The following LHPP variants were observed in gnomAD, a reference collection of about 807,000 sequenced individuals.
The protein encoded by LHPP is hLHPP.
A neutral mutation model predicts 30.3 loss-of-function variants in LHPP; 24 were observed. The observed-to-expected ratio is 0.79, with a 90% CI of 0.57 to 1.11. LHPP has a LOEUF of 1.11. LHPP is among the 50% of genes most tolerant of loss of function. LHPP has a pLI of 0.00. For synonymous variants in LHPP, 150 were observed against 157.1 expected, an observed-to-expected ratio of 0.95 and a Z score of 0.34; for missense variants, 356 against 367.2, an observed-to-expected ratio of 0.97 and a Z score of 0.25.
chr10:124,488,172 G>A (rs577319075), intron 2 of LHPP, among the ~76,000 whole-genome samples: 1 of 152,286 alleles, frequency 6.6e-6, no homozygotes, highest in Non-Finnish European at 1.5e-5. Flanking sequence ...GGCTGATGTG[G>A]TATTGGGATG....
chr10:124,476,818 C>T (rs1952963241), intron 1 of LHPP, among the ~76,000 whole-genome samples: 1 of 152,212 alleles, frequency 6.6e-6, no homozygotes, highest in South Asian at 2.1e-4. Flanking sequence ...ATTCTCCAAA[C>T]ATGCGTGTTC....
At chr10:124,472,257 G>A (rs1952801628) in intron 1 of LHPP, among the ~76,000 whole-genome samples, 1 of 152,172 alleles carries the variant, frequency 6.6e-6, no homozygotes, top group Non-Finnish European at 1.5e-5. Context: ...AGGCTGGGGT[G>A]AGCCAAGATT....
intron 6 of LHPP, among the ~76,000 whole-genome samples, chr10:124,553,449 C>CTTTTTTTTT (rs35840555): frequency 1.6e-5 from 1 of 61,634 alleles, no homozygotes; most frequent in Non-Finnish European, 2.7e-5. Context: ...TACAGCCATT[C>CTTTTTTTTT]TTTTTTTTTT....
chr10:124,570,709 G>A lies in LHPP; in HGVS notation c.717-42555G>A, dbSNP rs546518568. Among the ~76,000 whole-genome samples, 13 of 152,258 alleles carry A rather than the reference G, an allele frequency of 8.5e-5. No homozygotes were observed. In the South Asian group the frequency reaches 2.5e-3, roughly 29 times the overall value. ...CCGCTCTGGGCATTTCATGTAAATGGAATCAGACGATACATGGTCTTTTGT... is the reference window on the plus strand; with the variant it reads ...CCGCTCTGGGCATTTCATGTAAATGAAATCAGACGATACATGGTCTTTTGT... On this transcript the variant is annotated intron_variant, in intron 6 of 6. Transcript: ENST00000368842.
intron 1 of LHPP, among the ~76,000 whole-genome samples, chr10:124,481,592 G>A (rs1189990223): frequency 6.6e-6 from 1 of 151,638 alleles, no homozygotes; most frequent in Non-Finnish European, 1.5e-5. Context: ...TGTTGACCAG[G>A]CTGATCTCAA....
chr10:124,600,696 C>G (rs1949009695), intron 6 of LHPP, among the ~76,000 whole-genome samples: 1 of 152,180 alleles, frequency 6.6e-6, no homozygotes, highest in African/African-American at 2.4e-5. Context: ...GGCCCTGAGC[C>G]CCAGGGGCCT....
rs539952179 is a variant in LHPP at position 124,566,391 on chromosome 10, C to G, written c.717-46873C>G. On this transcript the variant is annotated intron_variant, in intron 6 of 6. Coordinates refer to ENST00000368842, the MANE Select transcript of LHPP (RefSeq NM_022126.4). Reference sequence around the variant, plus strand: ...CTGCAGGTGCCAGCCACTCCTGCAGCTTCTGCCCAGCCTCCTCTGGTGTCC... The same window carrying G: ...CTGCAGGTGCCAGCCACTCCTGCAGGTTCTGCCCAGCCTCCTCTGGTGTCC... Among the ~76,000 whole-genome samples the G allele has an allele frequency of 3.9e-5, 6 of 152,356 alleles. No individual in the cohort carries two copies. The South Asian group carries it at 1.2e-3, about 32-fold the overall frequency.
chr10:124,478,247 G>C lies in LHPP; in HGVS notation c.126-5892G>C, dbSNP rs1347871137. ...ATGGCTGTGGGGCCTCCAGGAGGAA[G>C]AGGTGTATGAACCCTGCTTTGTAGG... is the stretch of plus-strand genomic sequence containing the variant. On this transcript the variant is annotated intron_variant, in intron 1 of 6. Transcript: ENST00000368842. The surrounding 1 kb of genome is among the most constrained non-coding windows in gnomAD (Gnocchi z 4.7). Among the ~76,000 whole-genome samples, 1 of 152,224 alleles carries C rather than the reference G, an allele frequency of 6.6e-6. No individual in the cohort carries two copies. The highest frequency in any genetic ancestry group is 1.5e-5 in the Non-Finnish European group (1 of 68,022).
intron 6 of LHPP, among the ~76,000 whole-genome samples, chr10:124,585,632 AAG>A (rs1491119618): frequency 6.6e-6 from 1 of 151,896 alleles, no homozygotes; most frequent in Non-Finnish European, 1.5e-5. Context: ...AAAAAAGAAA[AAG>A]AAAAAAAAGA....
rs1004043900 is a variant in LHPP, at chr10:124,478,233, G to A, written c.126-5906G>A. 6.6e-6 allele frequency among the ~76,000 whole-genome samples: 1 copy of A among 152,206 alleles called. No individual in the cohort carries two copies. Among genetic ancestry groups the A allele is most frequent in the African/African-American group, 2.4e-5 (1 of 41,460 alleles). The stretch of plus-strand genomic sequence containing the variant: ...ATCTGGCTGGGTGCATGGCTGTGGG[G>A]CCTCCAGGAGGAAGAGGTGTATGAA... On this transcript the variant is annotated intron_variant, in intron 1 of 6. Coordinates refer to ENST00000368842, the MANE Select transcript of LHPP (RefSeq NM_022126.4). This position sits in a 1 kb window ranked among gnomAD's most constrained non-coding sequence, Gnocchi z 4.7.
intron 6 of LHPP, among the ~76,000 whole-genome samples, chr10:124,587,747 AAAAAAAAAAAAAAAAAAACC>A (rs1432846104): frequency 1.8e-4 from 27 of 148,582 alleles, no homozygotes; most frequent in African/African-American, 6.5e-4. Context: ...CTAAAAAAAA[AAAAAAAAAAAAAAAAAAACC>A]AAAAAAACCC....
intron 1 of LHPP, among the ~76,000 whole-genome samples, chr10:124,481,133 C>CCTGGAGCT (rs1953113003): frequency 6.6e-6 from 1 of 152,078 alleles, no homozygotes; most frequent in Non-Finnish European, 1.5e-5. Context: ...TCCCTGAACT[C>CCTGGAGCT]CTGGAGCTCG....
At chr10:124,559,878 A>G (rs1948364175) in intron 6 of LHPP, among the ~76,000 whole-genome samples, 1 of 152,268 alleles carries the variant, frequency 6.6e-6, no homozygotes, top group South Asian at 2.1e-4. Context: ...CCGTGGAATC[A>G]GGCACATTTT....
intron 6 of LHPP, among the ~76,000 whole-genome samples, chr10:124,525,890 G>A (rs116199615): frequency 9.8e-4 from 149 of 152,318 alleles, no homozygotes; most frequent in African/African-American, 3.4e-3. Context: ...GCTTGGTGCC[G>A]CCTGTGGGAA....
chr10:124,587,558 G>A (rs187345910), intron 6 of LHPP, among the ~76,000 whole-genome samples: 10 of 151,258 alleles, frequency 6.6e-5, no homozygotes, highest in South Asian at 2.1e-4. Flanking sequence ...TGACTAACAC[G>A]GGGAAACCCC....
chr10:124,471,153 A>G (rs1418337824), intron 1 of LHPP, among the ~76,000 whole-genome samples: 4 of 151,574 alleles, frequency 2.6e-5, no homozygotes, highest in Non-Finnish European at 5.9e-5. Context: ...GTATTCCTCA[A>G]AAGCACAGAG....
rs1157104041 is a variant in LHPP, at chr10:124,576,500, T to C, written c.717-36764T>C. On this transcript the variant is annotated intron_variant, in intron 6 of 6. Coordinates refer to ENST00000368842, the MANE Select transcript of LHPP (RefSeq NM_022126.4). The surrounding 1 kb of genome is among the most constrained non-coding windows in gnomAD (Gnocchi z 4.2). ...TATCTTGCTCCCACTCCCTACCATATGCTGTTCCCAGACCCCCCTCCATGG... is the reference window on the plus strand; with the variant it reads ...TATCTTGCTCCCACTCCCTACCATACGCTGTTCCCAGACCCCCCTCCATGG... Among the ~76,000 whole-genome samples, 3 of 128,362 alleles carry C rather than the reference T, an allele frequency of 2.3e-5. No individual in the cohort carries two copies. Among genetic ancestry groups the C allele is most frequent in the African/African-American group, 9.2e-5 (3 of 32,578 alleles). The allele number at this position is 128,362 out of a possible 152,430, so 84.2% of individuals were successfully genotyped here.
rs1004257238 is a variant in LHPP, at chr10:124,590,100, A to T, written c.717-23164A>T. Among the ~76,000 whole-genome samples, 2 of 152,170 alleles carry T rather than the reference A, an allele frequency of 1.3e-5. No homozygotes were observed. The highest frequency in any genetic ancestry group is 4.8e-5 in the African/African-American group (2 of 41,424). On this transcript the variant is annotated intron_variant, in intron 6 of 6. Transcript: ENST00000368842. The surrounding 1 kb of genome is among the most constrained non-coding windows in gnomAD (Gnocchi z 4.3). ...TTTTTATCCATCGTTCTTTCCAAAG[A>T]ATAGTGTGAACAGCTCATTCGATTC...
chr10:124,480,494 A>G (rs1953089603), intron 1 of LHPP, among the ~76,000 whole-genome samples: 1 of 152,166 alleles, frequency 6.6e-6, no homozygotes, highest in Admixed American at 6.5e-5. Flanking sequence ...TCGATTGCTC[A>G]CTGTTCTGAG....
Sources: allele counts gnomAD v4.1 joint callset (sites outside exome capture counted in the v4.1 genomes callset), GRCh38; gene constraint gnomAD v4.1.1; non-coding constraint Gnocchi (gnomAD v3.1); transcripts MANE v1.5; gene names NCBI Gene and HGNC (gene_info 2026-07-23, HGNC 2026-07-21).